SCAPER: variants seen among roughly 807,000 people sequenced by gnomAD.
SCAPER encodes the protein S phase cyclin A-associated protein in the endoplasmic reticulum.
Under a neutral mutation model 182.2 loss-of-function variants are expected in SCAPER, and 98 were observed. The ratio of observed to expected loss-of-function variants is 0.54; its 90% CI spans 0.46 to 0.64. SCAPER has a LOEUF of 0.64. Among genes scored for constraint, SCAPER ranks in the 30% least tolerant of loss-of-function variants. SCAPER has a pLI of 0.00. For synonymous variants in SCAPER, 605 were observed against 564.6 expected, an observed-to-expected ratio of 1.07 and a Z score of -1.01; for missense variants, 1,432 against 1,690.0, an observed-to-expected ratio of 0.85 and a Z score of 2.68.
intron 20 of SCAPER, among the ~76,000 whole-genome samples, chr15:76,680,350 T>C (rs2146982712): frequency 6.6e-6 from 1 of 151,364 alleles, no homozygotes; most frequent in Admixed American, 6.6e-5. Context: ...TTAAACCAGG[T>C]AAATTTCAGA....
chr15:76,786,152 C>T (rs1288781769), intron 8 of SCAPER, among the ~76,000 whole-genome samples: 1 of 151,838 alleles, frequency 6.6e-6, no homozygotes, highest in African/African-American at 2.4e-5. Flanking sequence ...CATGGTGAAA[C>T]CACGTGTCTA....
chr15:76,373,035 TTTTTCTTTCTTTCTTTC>T lies in SCAPER; in HGVS notation c.3855+3110_3855+3126del, dbSNP rs1250299732. ...CCTGTCTTTTTCTTTCTTTCTTTCC[TTTTTCTTTCTTTCTTTC>T]TTTTTTTTTTTTTGAGACAGAGTCT... On this transcript the variant is annotated intron_variant, in intron 29 of 31. Coordinates refer to ENST00000563290, the MANE Select transcript of SCAPER (RefSeq NM_020843.4). Among the ~76,000 whole-genome samples, 3 of 39,304 alleles carry T rather than the reference TTTTTCTTTCTTTCTTTC, an allele frequency of 7.6e-5. No individual in the cohort carries two copies. In the East Asian group the frequency reaches 3.5e-3, roughly 46 times the overall value. The allele number at this position is 39,304 out of a possible 152,430, so 25.8% of individuals were successfully genotyped here.
At chr15:76,376,108 C>G in intron 29 of SCAPER, 54 bp downstream of exon 29, 2 of 1,600,732 alleles carry the variant, frequency 1.2e-6, no homozygotes, top group Non-Finnish European at 1.7e-6. Context: ...ATTCCAATAC[C>G]TCACACTCTC....
chr15:76,607,487 T>C (rs984637150), intron 22 of SCAPER, among the ~76,000 whole-genome samples: 5 of 152,202 alleles, frequency 3.3e-5, no homozygotes, highest in Non-Finnish European at 7.3e-5. Context: ...ATCTGACAAT[T>C]TTGTGTCTTG....
At chr15:76,882,373 CAG>C (rs1848725519) in intron 2 of SCAPER, among the ~76,000 whole-genome samples, 1 of 150,592 alleles carries the variant, frequency 6.6e-6, no homozygotes, top group Admixed American at 6.6e-5. Context: ...GACTGGGTGA[CAG>C]AGAGACTCTG....
In SCAPER at chr15:76,479,522, C is replaced by G. The variant is rs761891393; in HGVS notation, c.2955-8187G>C. On this transcript the variant is annotated intron_variant, in intron 24 of 31. Transcript: ENST00000563290. ...TGAGTGAATTTTTGTGTCAGTAAGT[C>G]TTTTCACTGAAAATGTTTCCTCTCA... is the stretch of plus-strand genomic sequence containing the variant. 2.0e-5 allele frequency among the ~76,000 whole-genome samples: 3 copies of G among 152,092 alleles called. No individual in the cohort carries two copies. In the East Asian group the frequency reaches 5.8e-4, roughly 29 times the overall value.
intron 24 of SCAPER, among the ~76,000 whole-genome samples, chr15:76,503,217 T>C (rs1189043000): frequency 1.3e-5 from 2 of 152,206 alleles, no homozygotes; most frequent in African/African-American, 2.4e-5. Context: ...CATTCCTTTC[T>C]TCCTTTCTAC....
chr15:76,562,646 A>T (rs2046731156), intron 23 of SCAPER, among the ~76,000 whole-genome samples: 1 of 152,248 alleles, frequency 6.6e-6, no homozygotes, highest in Non-Finnish European at 1.5e-5. Flanking sequence ...AAAGGAAGCA[A>T]CAAGACTTTT....
At chr15:76,690,124 A>G (rs146565001) in intron 20 of SCAPER, among the ~76,000 whole-genome samples, 2 of 152,180 alleles carry the variant, frequency 1.3e-5, no homozygotes, top group Non-Finnish European at 2.9e-5. Context: ...CACAGTGAAG[A>G]AACATTGCAA....
intron 20 of SCAPER, among the ~76,000 whole-genome samples, chr15:76,679,268 C>T (rs953943289): frequency 9.2e-5 from 14 of 152,136 alleles, no homozygotes; most frequent in African/African-American, 3.4e-4. Flanking sequence ...TCCCTAGCAC[C>T]TGGCCTAATA....
intron 24 of SCAPER, among the ~76,000 whole-genome samples, chr15:76,481,649 T>C (rs1241387026): frequency 6.6e-6 from 1 of 152,168 alleles, no homozygotes; most frequent in Non-Finnish European, 1.5e-5. Flanking sequence ...ACTAAGAAGC[T>C]CCAGACATAC....
intron 21 of SCAPER, among the ~76,000 whole-genome samples, chr15:76,661,886 G>C (rs2056205683): frequency 6.6e-6 from 1 of 152,150 alleles, no homozygotes; most frequent in Admixed American, 6.5e-5. Context: ...GGACACTTAT[G>C]TTTGTTGCAG....
At chr15:76,416,534 A>C (rs1239280680) in intron 26 of SCAPER, among the ~76,000 whole-genome samples, 1 of 151,892 alleles carries the variant, frequency 6.6e-6, no homozygotes, top group Non-Finnish European at 1.5e-5. Flanking sequence ...AGTTTGGCTA[A>C]GGTTTAAAAA....
intron 22 of SCAPER, among the ~76,000 whole-genome samples, chr15:76,577,775 C>A (rs941058820): frequency 6.6e-6 from 1 of 152,010 alleles, no homozygotes; most frequent in Non-Finnish European, 1.5e-5. Flanking sequence ...AGCCCATTCC[C>A]AGCTGTGGTG....
At chr15:76,904,943 C>G (rs981149884) in intron 1 of SCAPER, among the ~76,000 whole-genome samples, 2 of 152,244 alleles carry the variant, frequency 1.3e-5, no homozygotes, top group Non-Finnish European at 2.9e-5. Flanking sequence ...GGGCTGCCCC[C>G]AAGTGAGGTG....
chr15:76,811,198 A>G (rs1275294514), intron 5 of SCAPER, among the ~76,000 whole-genome samples: 1 of 152,022 alleles, frequency 6.6e-6, no homozygotes, highest in Non-Finnish European at 1.5e-5. Flanking sequence ...GAAAATACAC[A>G]TTTTTCTCAA....
At chr15:76,647,165 G>T (rs1055771893) in intron 21 of SCAPER, among the ~76,000 whole-genome samples, 1 of 152,160 alleles carries the variant, frequency 6.6e-6, no homozygotes, top group African/African-American at 2.4e-5. Flanking sequence ...CCTAGTAGGA[G>T]AAAGCTAATG....
intron 22 of SCAPER, among the ~76,000 whole-genome samples, chr15:76,601,421 T>G (rs1281197327): frequency 8.2e-6 from 1 of 122,156 alleles, no homozygotes; most frequent in Admixed American, 9.3e-5. Flanking sequence ...TAGTTATGTT[T>G]AAATACACAA....
chr15:76,357,737 T>C (rs1489261980), intron 29 of SCAPER, among the ~76,000 whole-genome samples: 1 of 152,208 alleles, frequency 6.6e-6, no homozygotes, highest in African/African-American at 2.4e-5. Context: ...TATGGGCATA[T>C]ATAAATACAC....
Sources: gnomAD v4.1 joint callset for allele counts (sites outside exome capture counted in the v4.1 genomes callset) on GRCh38, gnomAD v4.1.1 for gene constraint, MANE v1.5 for transcripts, NCBI Gene and HGNC (gene_info 2026-07-23, HGNC 2026-07-21) for gene names.